The following AKAP9 variants were observed in gnomAD, a reference collection of about 807,000 sequenced individuals.
The protein encoded by AKAP9 is A-kinase anchor protein 9.
In AKAP9, 311 loss-of-function variants were observed where a neutral mutation model predicts 488.5. That is an observed-to-expected ratio of 0.64 (90% confidence interval 0.58 to 0.70). AKAP9 has a LOEUF of 0.70. AKAP9 is among the 30% of genes least tolerant of loss of function. AKAP9 has a pLI of 0.00. For missense variants in AKAP9, 4,215 were observed against 4,374.5 expected (o/e 0.96, Z 1.03); for synonymous variants, 1,462 against 1,483.5 (o/e 0.99, Z 0.33).
chr7:92,065,228 C>T lies in AKAP9; in HGVS notation c.5978-3C>T, dbSNP rs201008353. The T allele has an allele frequency of 1.3e-6, 2 of 1,554,506 alleles. No individual in the cohort carries two copies. Among genetic ancestry groups the T allele is most frequent in the African/African-American group, 1.4e-5 (1 of 73,386 alleles). On this transcript the variant is annotated splice_region_variant and splice_polypyrimidine_tract_variant and intron_variant, in intron 24 of 49. Transcript: ENST00000356239. ...ATTCAGTATATTTTGTATTAATAAA[C>T]AGAATTACTACAGGAGACAGAAAAA...
intron 24 of AKAP9, chr7:92,063,452 A>G (rs980606738): frequency 9.7e-6 from 9 of 924,484 alleles, no homozygotes; most frequent in Non-Finnish European, 1.1e-5. Context: ...TTTTTTCTCT[A>G]TTTTCCTAGG....
intron 2 of AKAP9, among the ~76,000 whole-genome samples, chr7:91,977,232 C>T (rs1353426558): frequency 6.6e-6 from 1 of 151,888 alleles, no homozygotes; most frequent in Non-Finnish European, 1.5e-5. Flanking sequence ...TGCACTCCAG[C>T]CTGGGTGACA....
chr7:92,012,973 A>ATTTTTTTTTTTTTTTT (rs749688986), intron 9 of AKAP9, among the ~76,000 whole-genome samples: 1 of 60,710 alleles, frequency 1.6e-5, no homozygotes, highest in African/African-American at 7.7e-5. Context: ...TGGGGTTGGA[A>ATTTTTTTTTTTTTTTT]TTTTTTTTTT....
chr7:91,973,764 G>C lies in AKAP9; in HGVS notation c.102G>C (p.Lys34Asn). The change falls in exon 2 of 50, where the codon AAG (lysine) becomes AAC (asparagine). Residue 34 changes from lysine to asparagine, a missense_variant. By Grantham distance (94) the Lys-to-Asn change is moderately conservative. Coordinates refer to ENST00000356239, the MANE Select transcript of AKAP9 (RefSeq NM_005751.5). ...KAQSDGQSPSKKQKKKRKTSS... is the reference protein window; with the variant it reads ...KAQSDGQSPSNKQKKKRKTSS... ...AGTCGGATGGGCAGAGTCCTTCCAA[G>C]AAGCAGAAAAAAAAGAGAAAAACGT... The C allele has an allele frequency of 6.2e-7, 1 of 1,613,514 alleles. No individual in the cohort carries two copies. Among genetic ancestry groups the C allele is most frequent in the Non-Finnish European group, 8.5e-7 (1 of 1,179,858 alleles).
intron 16 of AKAP9, among the ~76,000 whole-genome samples, chr7:92,032,270 G>A (rs1804384149): frequency 6.6e-6 from 1 of 152,174 alleles, no homozygotes; most frequent in African/African-American, 2.4e-5. Flanking sequence ...GCCGAGGCGG[G>A]CAGGTCACCT....
At chr7:91,943,844 A>G (rs1300230764) in intron 1 of AKAP9, among the ~76,000 whole-genome samples, 2 of 152,206 alleles carry the variant, frequency 1.3e-5, no homozygotes, top group Admixed American at 6.5e-5. Context: ...AACAACTTTA[A>G]ATGATCATTT....
chr7:91,975,693 G>A (rs1451736441), intron 2 of AKAP9, among the ~76,000 whole-genome samples: 4 of 151,670 alleles, frequency 2.6e-5, no homozygotes, highest in Non-Finnish European at 4.4e-5. Flanking sequence ...AGACATCCTT[G>A]TATTATTTCT....
intron 28 of AKAP9, 27 bp downstream of exon 28, chr7:92,071,036 A>G (rs778114776): frequency 1.3e-6 from 2 of 1,535,816 alleles, no homozygotes; most frequent in East Asian, 2.2e-5. Flanking sequence ...TAAATGACAC[A>G]GCGTGGTTTG....
chr7:92,099,628 A>G, intron 43 of AKAP9, 59 bp from the exon 44 acceptor site: 2 of 1,525,742 alleles, frequency 1.3e-6, no homozygotes, highest in African/African-American at 1.4e-5. Context: ...TTCACACTTT[A>G]TATGCATTAT....
rs1584532932 is a variant in AKAP9, at chr7:92,095,120, A to G, written c.9676A>G (p.Lys3226Glu). 5 of 1,614,196 alleles carry G rather than the reference A, an allele frequency of 3.1e-6. No homozygotes were observed. In the South Asian group the frequency reaches 5.5e-5, roughly 18 times the overall value. The change falls in exon 40 of 50, where the codon AAA becomes GAA. Residue 3226 changes from lysine (K) to glutamate (E), a missense_variant. Transcript: ENST00000356239. ...KSRELQWALE[K>E]EKAKLGRSEE... is the part of the protein sequence containing the mutation. ...AAGAGAGCTCCAGTGGGCTTTGGAG[A>G]AAGAGAAAGCCAAGTTGGGACGCAG...
intron 1 of AKAP9, among the ~76,000 whole-genome samples, chr7:91,944,384 A>G (rs2130437186): frequency 6.6e-6 from 1 of 152,124 alleles, no homozygotes; most frequent in Non-Finnish European, 1.5e-5. Flanking sequence ...ACCAGAAAAG[A>G]ATATTCAAAT....
Position 92,102,656 on chromosome 7 carries a change from A to G in AKAP9, c.11160A>G (p.Lys3720=). Residue 3720 remains lysine, a synonymous_variant, in exon 46 of 50, where the codon AAA becomes AAG. Coordinates refer to ENST00000356239, the MANE Select transcript of AKAP9 (RefSeq NM_005751.5). ...SFRKALIYQK[K]YLLLLLGGFQ... ...GAAAGGCTCTCATTTACCAGAAGAA[A>G]TACCTGCTGCTGTTACTGGGTGGGT... 1 of 1,614,230 alleles carries G rather than the reference A, an allele frequency of 6.2e-7. No individual in the cohort carries two copies. Among genetic ancestry groups the G allele is most frequent in the Non-Finnish European group, 8.5e-7 (1 of 1,180,050 alleles).
intron 3 of AKAP9, among the ~76,000 whole-genome samples, chr7:91,991,904 T>C (rs527776244): frequency 1.2e-4 from 19 of 152,352 alleles, no homozygotes; most frequent in Admixed American, 9.8e-4. Context: ...CTTAGAACTT[T>C]AATTCACTTA....
intron 1 of AKAP9, among the ~76,000 whole-genome samples, chr7:91,945,032 T>C (rs535740015): frequency 6.6e-6 from 1 of 152,090 alleles, no homozygotes; most frequent in Admixed American, 6.6e-5. Context: ...AGAACTGAGG[T>C]TGACAGAATA....
chr7:92,032,611 T>G (rs1034445105), intron 16 of AKAP9, among the ~76,000 whole-genome samples: 6 of 152,224 alleles, frequency 3.9e-5, no homozygotes, highest in African/African-American at 1.4e-4. Flanking sequence ...TATGTGCATT[T>G]TAAAGGGTTA....
chr7:92,080,398 A>G (rs1813314262), intron 31 of AKAP9, among the ~76,000 whole-genome samples: 1 of 152,166 alleles, frequency 6.6e-6, no homozygotes, highest in Admixed American at 6.5e-5. Flanking sequence ...GGAGATCGAG[A>G]CCATCCTGTC....
At position 92,038,413 on chromosome 7, in the gene AKAP9, C is replaced by A. The variant is rs1805528445; in HGVS notation, c.4339-6C>A. 6.3e-7 allele frequency: 1 copy of A among 1,599,022 alleles called. No individual in the cohort carries two copies. The highest frequency in any genetic ancestry group is 8.6e-7 in the Non-Finnish European group (1 of 1,167,218). On this transcript the variant is annotated splice_region_variant and splice_polypyrimidine_tract_variant and intron_variant, in intron 16 of 49. Coordinates refer to ENST00000356239, the MANE Select transcript of AKAP9 (RefSeq NM_005751.5). ...AATCCTTTATTGTTTGCTTTTATTT[C>A]TTTAGGTTATTGTGTCAATGAGTAT...
intron 7 of AKAP9, 47 bp from the exon 8 acceptor site, chr7:92,000,801 C>A: frequency 9.7e-7 from 1 of 1,027,290 alleles, no homozygotes; most frequent in Non-Finnish European, 1.4e-6. Flanking sequence ...TATAATTTGC[C>A]AGAAGCTAAA....
intron 2 of AKAP9, among the ~76,000 whole-genome samples, chr7:91,977,943 A>T (rs942422434): frequency 3.3e-5 from 5 of 152,110 alleles, no homozygotes; most frequent in Non-Finnish European, 5.9e-5. Flanking sequence ...AGTATTTCAG[A>T]TTTAAAAGAT....
Sources: allele counts gnomAD v4.1 joint callset (sites outside exome capture counted in the v4.1 genomes callset), GRCh38; gene constraint gnomAD v4.1.1; transcripts MANE v1.5; gene names NCBI Gene and HGNC (gene_info 2026-07-23, HGNC 2026-07-21).